The following APBB2 variants were observed in gnomAD, a reference collection of about 807,000 sequenced individuals.
The protein encoded by APBB2 is amyloid beta precursor protein binding family B member 2.
A neutral mutation model predicts 82.5 loss-of-function variants in APBB2; 38 were observed. The observed-to-expected ratio is 0.46, with a 90% CI of 0.36 to 0.60. The LOEUF is 0.60. Ranked by LOEUF, APBB2 falls within the 20% of genes least tolerant of loss-of-function variation. The pLI is 0.00. For missense variants in APBB2, 772 were observed against 972.3 expected (o/e 0.79, Z 2.74); for synonymous variants, 341 against 368.2 (o/e 0.93, Z 0.85).
Position 41,203,099 on chromosome 4 carries a change from C to G in APBB2, c.-417+11306G>C, listed in dbSNP as rs143660781. ...TTTTTTAATTGGTTTTTCTTGCAAT[C>G]CACATGTTTTCAGAACTAAGAGGAA... On this transcript the variant is annotated intron_variant, in intron 1 of 17. Coordinates refer to ENST00000508593, the MANE Select transcript of APBB2 (RefSeq NM_004307.2). Among the ~76,000 whole-genome samples, 265 of 151,782 alleles carry G rather than the reference C, an allele frequency of 1.7e-3. 2 individuals carry two copies. Among genetic ancestry groups the G allele is most frequent in the African/African-American group, 4.0e-3 (165 of 41,434 alleles).
intron 5 of APBB2, among the ~76,000 whole-genome samples, chr4:41,032,985 G>A (rs961997211): frequency 5.3e-5 from 8 of 151,068 alleles, no homozygotes; most frequent in African/African-American, 1.5e-4. Context: ...GGGTTTCACC[G>A]TGTTAGCCAG....
chr4:40,988,340 A>G (rs1346742057), intron 6 of APBB2, among the ~76,000 whole-genome samples: 1 of 152,210 alleles, frequency 6.6e-6, no homozygotes, highest in African/African-American at 2.4e-5. Context: ...TTGTTTTAAA[A>G]TGCCAGGGGC....
chr4:41,151,002 C>T (rs1273744733), intron 1 of APBB2, among the ~76,000 whole-genome samples: 4 of 152,116 alleles, frequency 2.6e-5, no homozygotes, highest in East Asian at 3.8e-4. Flanking sequence ...CCTCTCAAAG[C>T]GCTGGCCCAG....
At chr4:41,005,528 C>A (rs1474691771) in intron 6 of APBB2, among the ~76,000 whole-genome samples, 3 of 152,098 alleles carry the variant, frequency 2.0e-5, no homozygotes, top group Non-Finnish European at 4.4e-5. Flanking sequence ...TCCCACTGAG[C>A]CACTCCTTCA....
chr4:40,821,625 G>T (rs1443713381), intron 17 of APBB2, among the ~76,000 whole-genome samples: 1 of 152,228 alleles, frequency 6.6e-6, no homozygotes. Context: ...CCGTCGTCAA[G>T]GTGGTGGTTA....
intron 8 of APBB2, 38 bp from the exon 9 acceptor site, chr4:40,934,737 G>T (rs191426526): frequency 1.4e-6 from 2 of 1,431,106 alleles, no homozygotes; most frequent in Non-Finnish European, 9.8e-7. Flanking sequence ...TACAATGGGG[G>T]AGAAGACCAT....
chr4:40,978,866 A>G (rs1487101824), intron 6 of APBB2, among the ~76,000 whole-genome samples: 1 of 152,180 alleles, frequency 6.6e-6, no homozygotes, highest in Non-Finnish European at 1.5e-5. Context: ...ACGGGAAACA[A>G]AAAAAATTGC....
intron 1 of APBB2, among the ~76,000 whole-genome samples, chr4:41,195,396 A>C: frequency 6.6e-6 from 1 of 152,120 alleles, no homozygotes; most frequent in Non-Finnish European, 1.5e-5. Flanking sequence ...TCAGTCCATC[A>C]ACAAACCGTG....
At chr4:41,084,689 A>T (rs1016318197) in intron 3 of APBB2, 1 of 152,360 alleles carries the variant, frequency 6.6e-6, no homozygotes. Flanking sequence ...ATGACATGCA[A>T]ATTTGTGAAG....
chr4:40,934,554 T>C lies in APBB2; in HGVS notation c.1194-38A>G, dbSNP rs531874440. Reference sequence around the variant, plus strand: ...ACAGAAAAGTGGACTTAGAATTCTATTGCAAACTATCTGCACAAAGCCATA... The same window carrying C: ...ACAGAAAAGTGGACTTAGAATTCTACTGCAAACTATCTGCACAAAGCCATA... On this transcript the variant is annotated intron_variant, in intron 9 of 17. Transcript: ENST00000508593. 4.6e-5 allele frequency: 74 copies of C among 1,612,434 alleles called. No homozygotes were observed. The South Asian group carries it at 6.3e-4, about 14-fold the overall frequency.
intron 3 of APBB2, among the ~76,000 whole-genome samples, chr4:41,091,876 T>C (rs1240020726): frequency 6.6e-6 from 1 of 152,234 alleles, no homozygotes; most frequent in Non-Finnish European, 1.5e-5. Context: ...GCAAGGTAAG[T>C]AACCTTGAGC....
chr4:41,200,062 T>A (rs1347082053), intron 1 of APBB2, among the ~76,000 whole-genome samples: 1 of 152,188 alleles, frequency 6.6e-6, no homozygotes, highest in Non-Finnish European at 1.5e-5. Flanking sequence ...ATTTCAAGAA[T>A]TACTCTTTGA....
chr4:40,960,417 A>C (rs934403603), intron 6 of APBB2, among the ~76,000 whole-genome samples: 1 of 151,374 alleles, frequency 6.6e-6, no homozygotes, highest in Non-Finnish European at 1.5e-5. Context: ...TAATAAAAGA[A>C]GTTCATCAAA....
At chr4:41,031,512 G>A (rs902364291) in intron 5 of APBB2, among the ~76,000 whole-genome samples, 1 of 152,038 alleles carries the variant, frequency 6.6e-6, no homozygotes. Flanking sequence ...AACCAGGCTA[G>A]ATAACTGTTC....
intron 1 of APBB2, among the ~76,000 whole-genome samples, chr4:41,197,436 G>A: frequency 2.6e-5 from 4 of 152,120 alleles, no homozygotes; most frequent in Admixed American, 6.5e-5. Flanking sequence ...GCCAAACACT[G>A]ATCTAAGCAC....
At chr4:40,960,912 T>C (rs1793004499) in intron 6 of APBB2, among the ~76,000 whole-genome samples, 1 of 151,698 alleles carries the variant, frequency 6.6e-6, no homozygotes, top group African/African-American at 2.4e-5. Flanking sequence ...ATTCTAACCA[T>C]TGAAGTGTGA....
chr4:40,946,232 C>CAAAAA (rs55995119), intron 6 of APBB2, among the ~76,000 whole-genome samples: 6 of 78,714 alleles, frequency 7.6e-5, no homozygotes, highest in Admixed American at 3.0e-4. Flanking sequence ...ACTCTATCTC[C>CAAAAA]AAAAAAAAAA....
chr4:40,825,952 T>C lies in APBB2; in HGVS notation c.1751A>G (p.Lys584Arg). 6.2e-7 allele frequency: 1 copy of C among 1,614,170 alleles called. No homozygotes were observed. Among genetic ancestry groups the C allele is most frequent in the Non-Finnish European group, 8.5e-7 (1 of 1,179,998 alleles). Residue 584 changes from lysine to arginine, a missense_variant, in exon 15 of 18, where the codon AAG becomes AGG. Coordinates refer to ENST00000508593, the MANE Select transcript of APBB2 (RefSeq NM_004307.2). ...GTGGAACTTCTGGACCAGCTCAGTCTTTGGTGTTGGAAAATCTACTACAGG... is the reference window on the plus strand; with the variant it reads ...GTGGAACTTCTGGACCAGCTCAGTCCTTGGTGTTGGAAAATCTACTACAGG... ...VPLQVDFPTPKTELVQKFHVQ... is the reference protein window; with the variant it reads ...VPLQVDFPTPRTELVQKFHVQ...
chr4:41,048,720 C>T (rs1414378900), intron 4 of APBB2, among the ~76,000 whole-genome samples: 7 of 150,842 alleles, frequency 4.6e-5, no homozygotes, highest in Non-Finnish European at 7.4e-5. Context: ...CCTCTGATGC[C>T]GAGCGGAAGC....
Sources: allele counts gnomAD v4.1 joint callset (sites outside exome capture counted in the v4.1 genomes callset), GRCh38; gene constraint gnomAD v4.1.1; transcripts MANE v1.5; gene names NCBI Gene and HGNC (gene_info 2026-07-23, HGNC 2026-07-21).